CEP44: variants seen among roughly 807,000 people sequenced by gnomAD.
The protein encoded by CEP44 is centrosomal protein 44.
A neutral mutation model predicts 46.7 loss-of-function variants in CEP44; 45 were observed. The ratio of observed to expected loss-of-function variants is 0.96; its 90% CI spans 0.76 to 1.24. CEP44 has a LOEUF of 1.24. CEP44 is among the 50% of genes most tolerant of loss of function. The probability of loss-of-function intolerance (pLI) is 0.00; values close to 1 mark genes in which losing one functional copy is unlikely to be tolerated. For synonymous variants in CEP44, 142 were observed against 146.0 expected (o/e 0.97, Z 0.20); for missense variants, 475 against 459.7 (o/e 1.03, Z -0.30).
At chr4:174,308,616 C>T in intron 6 of CEP44, 73 bp from the exon 7 acceptor site, 1 of 1,474,702 alleles carries the variant, frequency 6.8e-7, no homozygotes, top group Non-Finnish European at 9.2e-7. Flanking sequence ...GACCCCTGAA[C>T]TTAAAAGTTA....
At chr4:174,321,943 A>G (rs1742348019), downstream of CEP44, among the ~76,000 whole-genome samples, 1 of 152,224 alleles carries the variant, frequency 6.6e-6, no homozygotes, top group East Asian at 1.9e-4. Context: ...ACTTTACCCA[A>G]TCAATATGTA....
downstream of CEP44, among the ~76,000 whole-genome samples, chr4:174,323,353 A>G (rs965122600): frequency 2.0e-5 from 3 of 152,134 alleles, no homozygotes; most frequent in African/African-American, 7.2e-5. Flanking sequence ...TAATTTACAT[A>G]CGATAAAATT....
At chr4:174,296,305 T>G (rs1739003937) in intron 1 of CEP44, among the ~76,000 whole-genome samples, 2 of 152,240 alleles carry the variant, frequency 1.3e-5, no homozygotes, top group South Asian at 4.1e-4. Flanking sequence ...ACTCATTGTG[T>G]TCTTTCAATC....
In CEP44 at chr4:174,317,876, A is replaced by T. The variant is rs1166879100; in HGVS notation, c.*493A>T. 1.2e-4 allele frequency: 114 copies of T among 985,466 alleles called. No homozygotes were observed. Among genetic ancestry groups the T allele is most frequent in the Non-Finnish European group, 1.3e-4 (111 of 829,752 alleles). 61.0% of individuals were successfully genotyped at this position (985,466 alleles called of 1,614,324 possible). A position where few individuals can be genotyped will look rare whatever the true frequency, so the allele number is the denominator to read the frequency against. On this transcript the variant is annotated 3_prime_UTR_variant, in exon 12 of 12. Coordinates refer to ENST00000503780, the MANE Select transcript of CEP44 (RefSeq NM_001040157.3). ...TGAAAATTAAATAAAACAAAAAGGC[A>T]GTTATTTCATGCTTGGTCAAAAACA... is the stretch of plus-strand genomic sequence containing the variant.
chr4:174,307,986 G>A (rs1350664099), intron 6 of CEP44, among the ~76,000 whole-genome samples: 2 of 152,044 alleles, frequency 1.3e-5, no homozygotes, highest in Non-Finnish European at 2.9e-5. Flanking sequence ...TGGAAGAAAA[G>A]GAACATTTAT....
rs1222068724 is a variant in CEP44 at position 174,311,245 on chromosome 4, T to G, written c.961+387T>G. Among the ~76,000 whole-genome samples, 3 of 152,036 alleles carry G rather than the reference T, an allele frequency of 2.0e-5. No homozygotes were observed. Among genetic ancestry groups the G allele is most frequent in the African/African-American group, 7.2e-5 (3 of 41,436 alleles). On this transcript the variant is annotated intron_variant, in intron 9 of 11. Transcript: ENST00000503780. This position sits in a 1 kb window ranked among gnomAD's most constrained non-coding sequence, Gnocchi z 4.4. ...AGAAGAAAACACATTTGTCAGTATC[T>G]ATAAAGTATTGCAAACTTCTTCCAT...
At position 174,286,846 on chromosome 4, in the gene CEP44, G is replaced by T. The variant is rs1385809165; in HGVS notation, c.-148+2903G>T. 6.6e-6 allele frequency among the ~76,000 whole-genome samples: 1 copy of T among 152,146 alleles called. No individual in the cohort carries two copies. The highest frequency in any genetic ancestry group is 1.5e-5 in the Non-Finnish European group (1 of 68,006). ...GTTCACGTATGTGTTTTTCTGTTGT[G>T]TACATTCTTCAGAGTCATATTCCTG... On this transcript the variant is annotated intron_variant, in intron 1 of 11. Coordinates refer to ENST00000503780, the MANE Select transcript of CEP44 (RefSeq NM_001040157.3). The surrounding 1 kb of genome is among the most constrained non-coding windows in gnomAD (Gnocchi z 5.2).
At chr4:174,299,294 A>G (rs1040498965) in intron 3 of CEP44, 84 bp downstream of exon 3, 1 of 1,092,912 alleles carries the variant, frequency 9.1e-7, no homozygotes, top group Non-Finnish European at 1.3e-6. Context: ...CCTGAGAAAA[A>G]TCAGATTTTA....
At position 174,312,078 on chromosome 4, in the gene CEP44, C is replaced by T. The variant is rs1000336997; in HGVS notation, c.961+1220C>T. ...CCTGTCTAGCACACAGAAAGTATGT[C>T]GGTGCTTTTATCACCAGTATTTGCA... On this transcript the variant is annotated intron_variant, in intron 9 of 11. Coordinates refer to ENST00000503780, the MANE Select transcript of CEP44 (RefSeq NM_001040157.3). The surrounding 1 kb of genome is among the most constrained non-coding windows in gnomAD (Gnocchi z 4.5). Among the ~76,000 whole-genome samples the T allele has an allele frequency of 1.3e-5, 2 of 152,214 alleles. No individual in the cohort carries two copies. Among genetic ancestry groups the T allele is most frequent in the East Asian group, 1.9e-4 (1 of 5,182 alleles).
At chr4:174,303,613 C>T (rs1372724565) in intron 4 of CEP44, 90 bp from the exon 5 acceptor site, 3 of 729,046 alleles carry the variant, frequency 4.1e-6, no homozygotes, top group Non-Finnish European at 6.6e-6. Context: ...TCAAAGGTGG[C>T]CATTATTCCC....
chr4:174,319,428 A>T lies in CEP44; in HGVS notation c.*2045A>T. ...AACAAGTGATTTCCCATCAAACAGG[A>T]TAATATTTTTTCCCTTTTGAAAAAT... On this transcript the variant is annotated 3_prime_UTR_variant, in exon 12 of 12. Coordinates refer to ENST00000503780, the MANE Select transcript of CEP44 (RefSeq NM_001040157.3). The T allele has an allele frequency of 1.0e-6, 1 of 982,510 alleles. No homozygotes were observed. The highest frequency in any genetic ancestry group is 4.7e-5 in the South Asian group (1 of 21,240). The allele number at this position is 982,510 out of a possible 1,614,324, so 60.9% of individuals were successfully genotyped here. A position where few individuals can be genotyped will look rare whatever the true frequency, so the allele number is the denominator to read the frequency against.
chr4:174,325,548 G>A lies in CEP44; in HGVS notation c.1087-5934G>A, dbSNP rs943594003. Among the ~76,000 whole-genome samples, 7 of 152,042 alleles carry A rather than the reference G, an allele frequency of 4.6e-5. No homozygotes were observed. Among genetic ancestry groups the A allele is most frequent in the East Asian group, 1.9e-4 (1 of 5,146 alleles). ...TATGCACCTGTAGTCCTAGCTACTC[G>A]AGAGGCTGAGGTGGGAAGATAACTT... On this transcript the variant is annotated intron_variant, in intron 8 of 8. Coordinates refer to the CEP44 transcript ENST00000426172. This position sits in a 1 kb window ranked among gnomAD's most constrained non-coding sequence, Gnocchi z 4.4.
rs576500240 is a variant in CEP44, at chr4:174,301,484, T to A, written c.90-555T>A. On this transcript the variant is annotated intron_variant, in intron 3 of 11. Coordinates refer to ENST00000503780, the MANE Select transcript of CEP44 (RefSeq NM_001040157.3). The surrounding 1 kb of genome is among the most constrained non-coding windows in gnomAD (Gnocchi z 4.3). ...ATAAGCAAAGAAGAGTGGGATACCTTTCTAGACTGGTGGAATTAACATAGG... is the reference window on the plus strand; with the variant it reads ...ATAAGCAAAGAAGAGTGGGATACCTATCTAGACTGGTGGAATTAACATAGG... 6.6e-6 allele frequency among the ~76,000 whole-genome samples: 1 copy of A among 152,280 alleles called. No individual in the cohort carries two copies. The highest frequency in any genetic ancestry group is 1.5e-5 in the Non-Finnish European group (1 of 67,996).
rs778192446 is a variant in CEP44, at chr4:174,308,732, T to G, written c.551T>G (p.Val184Gly). ...VIRHLYNEDN[V>G]DISEDTLSPI... Reference sequence around the variant, plus strand: ...CGTCACTTGTATAATGAAGATAATGTTGACATTTCTGAGGATACATTAAGT... The same window carrying G: ...CGTCACTTGTATAATGAAGATAATGGTGACATTTCTGAGGATACATTAAGT... Residue 184 changes from valine (V) to glycine (G), a missense_variant, in exon 7 of 12, where the codon GTT becomes GGT. Val to Gly is a moderately radical substitution (Grantham distance 109). Transcript: ENST00000503780. 6.2e-7 allele frequency: 1 copy of G among 1,612,758 alleles called. No homozygotes were observed.
At position 174,331,032 on chromosome 4, in the gene CEP44, T is replaced by G. The variant is rs1264937672; in HGVS notation, c.1087-450T>G. On this transcript the variant is annotated intron_variant, in intron 8 of 8. Transcript: ENST00000426172. This position sits in a 1 kb window ranked among gnomAD's most constrained non-coding sequence, Gnocchi z 4.5. ...ATGTGCTTTCAGGATATGCAGTGGT[T>G]AAGGCACTTGATATCTACTGATGTC... Among the ~76,000 whole-genome samples the G allele has an allele frequency of 1.3e-5, 2 of 152,198 alleles. No homozygotes were observed. The highest frequency in any genetic ancestry group is 4.8e-5 in the African/African-American group (2 of 41,456).
rs1420628476 is a variant in CEP44 at position 174,316,082 on chromosome 4, T to A, written c.962-84T>A. The A allele has an allele frequency of 6.0e-6, 9 of 1,503,504 alleles. No individual in the cohort carries two copies. In the African/African-American group the frequency reaches 1.3e-4, roughly 21 times the overall value. 93.1% of individuals were successfully genotyped at this position (1,503,504 alleles called of 1,614,324 possible). On this transcript the variant is annotated intron_variant, in intron 9 of 11. Coordinates refer to ENST00000503780, the MANE Select transcript of CEP44 (RefSeq NM_001040157.3). Reference sequence around the variant, plus strand: ...CCATTTTTAATTAAAATAGTATGTTTTTCTTCCATCTGTAAATAATATTTT... The same window carrying A: ...CCATTTTTAATTAAAATAGTATGTTATTCTTCCATCTGTAAATAATATTTT...
In CEP44 at chr4:174,312,521, C is replaced by G. The variant is rs997855163; in HGVS notation, c.961+1663C>G. 6.6e-6 allele frequency among the ~76,000 whole-genome samples: 1 copy of G among 152,064 alleles called. No homozygotes were observed. Among genetic ancestry groups the G allele is most frequent in the African/African-American group, 2.4e-5 (1 of 41,392 alleles). ...GTCTTGCTATGTTGCTCAGGCTGGT[C>G]TTGAACTCCTGGGCTCAAGCAATCC... is the stretch of plus-strand genomic sequence containing the variant. On this transcript the variant is annotated intron_variant, in intron 9 of 11. Coordinates refer to ENST00000503780, the MANE Select transcript of CEP44 (RefSeq NM_001040157.3). This position sits in a 1 kb window ranked among gnomAD's most constrained non-coding sequence, Gnocchi z 4.5.
chr4:174,309,970 G>C lies in CEP44; in HGVS notation c.799G>C (p.Gly267Arg). 6.2e-7 allele frequency: 1 copy of C among 1,612,790 alleles called. No individual in the cohort carries two copies. Among genetic ancestry groups the C allele is most frequent in the Non-Finnish European group, 8.5e-7 (1 of 1,179,228 alleles). ...RLDCLEQKMKGKVMVDENTWT... is the reference protein window; with the variant it reads ...RLDCLEQKMKRKVMVDENTWT... ...AGACTGTTTGGAACAAAAAATGAAAGGAAAAGTGATGGTAGATGAAAACAC... is the reference window on the plus strand; with the variant it reads ...AGACTGTTTGGAACAAAAAATGAAACGAAAAGTGATGGTAGATGAAAACAC... Residue 267 changes from glycine to arginine, a missense_variant, in exon 8 of 12, where the codon GGA (glycine) becomes CGA (arginine). By Grantham distance (125) the Gly-to-Arg change is moderately radical. Coordinates refer to ENST00000503780, the MANE Select transcript of CEP44 (RefSeq NM_001040157.3). The surrounding 1 kb of genome is among the most constrained non-coding windows in gnomAD (Gnocchi z 5.3).
Position 174,312,676 on chromosome 4 carries a change from A to G in CEP44, c.961+1818A>G, listed in dbSNP as rs549747521. Among the ~76,000 whole-genome samples, 45 of 152,322 alleles carry G rather than the reference A, an allele frequency of 3.0e-4. No individual in the cohort carries two copies. Among genetic ancestry groups the G allele is most frequent in the Non-Finnish European group, 4.7e-4 (32 of 68,034 alleles). On this transcript the variant is annotated intron_variant, in intron 9 of 11. Transcript: ENST00000503780. This position sits in a 1 kb window ranked among gnomAD's most constrained non-coding sequence, Gnocchi z 4.5. ...CAGGCCTCTATCTGAAATGGATTAC[A>G]GATTATGATTAGGTTGAATACCTGG... is the stretch of plus-strand genomic sequence containing the variant.
Sources: allele counts gnomAD v4.1 joint callset (sites outside exome capture counted in the v4.1 genomes callset), GRCh38; gene constraint gnomAD v4.1.1; non-coding constraint Gnocchi (gnomAD v3.1); transcripts MANE v1.5; gene names NCBI Gene and HGNC (gene_info 2026-07-23, HGNC 2026-07-21).